KIAA1217: variants seen among roughly 807,000 people sequenced by gnomAD.
The protein encoded by KIAA1217 is KIAA1217, also known as sickle tail protein homolog.
A neutral mutation model predicts 163.9 loss-of-function variants in KIAA1217; 88 were observed. That is an observed-to-expected ratio of 0.54 (90% CI 0.45 to 0.64). The LOEUF is 0.64. KIAA1217 is among the 30% of genes least tolerant of loss of function. The pLI is 0.00. For synonymous variants in KIAA1217, 903 were observed against 923.1 expected (o/e 0.98, Z 0.39); for missense variants, 2,372 against 2,475.0 (o/e 0.96, Z 0.88).
intron 2 of KIAA1217, among the ~76,000 whole-genome samples, chr10:24,358,432 T>A (rs933835717): frequency 6.6e-6 from 1 of 152,206 alleles, no homozygotes; most frequent in Non-Finnish European, 1.5e-5. Flanking sequence ...ACTGGGAATG[T>A]GGAGGCTTAG....
chr10:24,060,757 C>T (rs1436476399), intron 2 of KIAA1217, among the ~76,000 whole-genome samples: 2 of 152,166 alleles, frequency 1.3e-5, no homozygotes, highest in Non-Finnish European at 2.9e-5. Context: ...GATGGCACTC[C>T]ACATCTTTGG....
intron 1 of KIAA1217, among the ~76,000 whole-genome samples, chr10:23,843,723 T>A (rs749698670): frequency 6.6e-6 from 1 of 152,170 alleles, no homozygotes; most frequent in Non-Finnish European, 1.5e-5. Context: ...GGCAGGGTGA[T>A]AATGGTTGAC....
chr10:24,072,741 A>G (rs1659551941), intron 2 of KIAA1217, among the ~76,000 whole-genome samples: 1 of 152,194 alleles, frequency 6.6e-6, no homozygotes, highest in Non-Finnish European at 1.5e-5. Context: ...AAAGGGAATG[A>G]CATGATTAAA....
At chr10:24,284,202 C>T (rs1181863112) in intron 2 of KIAA1217, among the ~76,000 whole-genome samples, 1 of 152,110 alleles carries the variant, frequency 6.6e-6, no homozygotes, top group Non-Finnish European at 1.5e-5. Flanking sequence ...GCTACCGTAC[C>T]CAGCTGAGCA....
chr10:23,736,541 G>A (rs1036348072), intron 1 of KIAA1217, among the ~76,000 whole-genome samples: 2 of 152,128 alleles, frequency 1.3e-5, no homozygotes, highest in Non-Finnish European at 2.9e-5. Context: ...AGAGATTTTA[G>A]AGATGGGGTC....
chr10:23,705,970 C>T (rs1394404605), intron 1 of KIAA1217, among the ~76,000 whole-genome samples: 1 of 152,168 alleles, frequency 6.6e-6, no homozygotes, highest in East Asian at 1.9e-4. Context: ...ATACATTTTA[C>T]ATAAATTTTG....
chr10:24,220,439 T>C (rs1431991425), intron 2 of KIAA1217, among the ~76,000 whole-genome samples: 1 of 147,328 alleles, frequency 6.8e-6, no homozygotes, highest in Non-Finnish European at 1.5e-5. Flanking sequence ...GTTTTGTTTC[T>C]GCTCTTCTTT....
chr10:24,462,425 A>T (rs934168936), intron 5 of KIAA1217, among the ~76,000 whole-genome samples: 5 of 152,180 alleles, frequency 3.3e-5, no homozygotes, highest in African/African-American at 9.7e-5. Flanking sequence ...TCCATCAGTG[A>T]TCACGCGTGG....
At chr10:24,051,214 G>A (rs983715646) in intron 2 of KIAA1217, among the ~76,000 whole-genome samples, 1 of 152,004 alleles carries the variant, frequency 6.6e-6, no homozygotes, top group Non-Finnish European at 1.5e-5. Context: ...TAAAATAATG[G>A]TCTCCAACTC....
At chr10:23,877,856 C>T (rs1023594495) in intron 1 of KIAA1217, among the ~76,000 whole-genome samples, 11 of 151,950 alleles carry the variant, frequency 7.2e-5, no homozygotes, top group Non-Finnish European at 1.3e-4. Flanking sequence ...TGCCAACGTT[C>T]GTGACAGAGG....
intron 1 of KIAA1217, among the ~76,000 whole-genome samples, chr10:23,735,451 A>G (rs1338707000): frequency 6.6e-6 from 1 of 152,114 alleles, no homozygotes; most frequent in African/African-American, 2.4e-5. Flanking sequence ...TATACTTTAT[A>G]TAGTTAGACT....
At chr10:23,971,747 C>T (rs2131393334) in intron 1 of KIAA1217, among the ~76,000 whole-genome samples, 1 of 152,252 alleles carries the variant, frequency 6.6e-6, no homozygotes, top group East Asian at 1.9e-4. Flanking sequence ...TAGAGAATCC[C>T]CTTCCCTTCC....
intron 1 of KIAA1217, among the ~76,000 whole-genome samples, chr10:23,937,912 A>C (rs1843601073): frequency 1.3e-5 from 2 of 152,218 alleles, no homozygotes; most frequent in Non-Finnish European, 2.9e-5. Flanking sequence ...TCCAGACTTT[A>C]GCACAGGGAG....
chr10:23,742,236 T>C (rs1414826162), intron 1 of KIAA1217, among the ~76,000 whole-genome samples: 3 of 152,026 alleles, frequency 2.0e-5, no homozygotes, highest in Non-Finnish European at 4.4e-5. Context: ...CCTTGTGCCA[T>C]CTATTGATAG....
chr10:24,147,311 C>G (rs1192094842), intron 2 of KIAA1217, among the ~76,000 whole-genome samples: 3 of 152,048 alleles, frequency 2.0e-5, no homozygotes, highest in Non-Finnish European at 4.4e-5. Flanking sequence ...TCTTTATTTC[C>G]CTAAACACAT....
chr10:24,500,332 C>CGT (rs200860817), intron 8 of KIAA1217, among the ~76,000 whole-genome samples: 1 of 128,920 alleles, frequency 7.8e-6, no homozygotes, highest in East Asian at 2.3e-4. Context: ...TGTGTGCATG[C>CGT]GTGTGTGTGT....
chr10:24,325,613 C>T (rs977700805), intron 2 of KIAA1217, among the ~76,000 whole-genome samples: 52 of 152,318 alleles, frequency 3.4e-4, no homozygotes, highest in Non-Finnish European at 4.1e-4. Context: ...TCAGACATGA[C>T]TAATTACAAG....
chr10:24,544,161 G>C lies in KIAA1217; in HGVS notation c.4891G>C (p.Glu1631Gln). Residue 1631 changes from glutamate to glutamine, a missense_variant, in exon 19 of 21, where the codon GAA becomes CAA. Glu to Gln is a conservative substitution (Grantham distance 29). Transcript: ENST00000376454. ...CTTCGAAATCGCTAGGTCTCAACCT[G>C]AAGACACCCCTGAAAACACAGTGAG... The part of the protein sequence containing the change: ...KRFEIARSQP[E>Q]DTPENTVRRQ... The C allele has an allele frequency of 6.2e-7, 1 of 1,614,098 alleles. No homozygotes were observed. The highest frequency in any genetic ancestry group is 8.5e-7 in the Non-Finnish European group (1 of 1,180,032).
chr10:23,922,613 G>A (rs117766813), intron 1 of KIAA1217, among the ~76,000 whole-genome samples: 2,960 of 152,300 alleles, frequency 0.019, 59 homozygotes, highest in Admixed American at 0.063. Context: ...CCCAGTTGGT[G>A]TCTACAGAGA....
Sources: gnomAD v4.1 joint callset for allele counts (sites outside exome capture counted in the v4.1 genomes callset) on GRCh38, gnomAD v4.1.1 for gene constraint, MANE v1.5 for transcripts, NCBI Gene and HGNC (gene_info 2026-07-23, HGNC 2026-07-21) for gene names.